Variants in ZDHHC17 observed in about 807,000 individuals in gnomAD.
The protein encoded by ZDHHC17 is zDHHC palmitoyltransferase 17.
A neutral mutation model predicts 90.3 loss-of-function variants in ZDHHC17; 40 were observed. The ratio of observed to expected loss-of-function variants is 0.44; its 90% CI spans 0.34 to 0.58. The LOEUF is 0.58. ZDHHC17 is among the 20% of genes least tolerant of loss of function. The probability of loss-of-function intolerance (pLI) is 0.01; values close to 1 mark genes in which losing one functional copy is unlikely to be tolerated. For missense variants in ZDHHC17, 614 were observed against 780.8 expected, an observed-to-expected ratio of 0.79 and a Z score of 2.55; for synonymous variants, 235 against 252.4, an observed-to-expected ratio of 0.93 and a Z score of 0.65.
Position 76,853,479 on chromosome 12 carries a change from A to C in ZDHHC17, c.*2494A>C, listed in dbSNP as rs561988871. The C allele has an allele frequency of 1.2e-4, 18 of 152,568 alleles. No individual in the cohort carries two copies. In the South Asian group the frequency reaches 1.5e-3, roughly 12 times the overall value. 9.5% of individuals were successfully genotyped at this position (152,568 alleles called of 1,614,324 possible). A position where few individuals can be genotyped will look rare whatever the true frequency, so the allele number is the denominator to read the frequency against. Reference sequence around the variant, plus strand: ...TTTGTTGTTTCCAGGAATTTATTTGATATTAATGGGCGTAAAACAGCATCA... The same window carrying C: ...TTTGTTGTTTCCAGGAATTTATTTGCTATTAATGGGCGTAAAACAGCATCA... On this transcript the variant is annotated 3_prime_UTR_variant, in exon 17 of 17. Coordinates refer to ENST00000426126, the MANE Select transcript of ZDHHC17 (RefSeq NM_015336.4).
At chr12:76,814,375 A>G (rs1276002890) in intron 5 of ZDHHC17, among the ~76,000 whole-genome samples, 2 of 151,258 alleles carry the variant, frequency 1.3e-5, no homozygotes, top group Non-Finnish European at 2.9e-5. Context: ...GTATTTATGC[A>G]TATTTATAAT....
At chr12:76,829,517 A>G (rs1012665454) in intron 10 of ZDHHC17, among the ~76,000 whole-genome samples, 1 of 147,060 alleles carries the variant, frequency 6.8e-6, no homozygotes, top group African/African-American at 2.5e-5. Context: ...TCTCCATTTT[A>G]TACTTGAGAA....
intron 1 of ZDHHC17, among the ~76,000 whole-genome samples, chr12:76,765,323 A>G (rs1445991629): frequency 6.6e-6 from 1 of 152,186 alleles, no homozygotes; most frequent in Non-Finnish European, 1.5e-5. Flanking sequence ...AGTTTTTGTT[A>G]AAAAGTGAAT....
At chr12:76,768,694 GCTTC>G (rs2137706604) in intron 1 of ZDHHC17, among the ~76,000 whole-genome samples, 1 of 152,252 alleles carries the variant, frequency 6.6e-6, no homozygotes, top group East Asian at 1.9e-4. Context: ...GCCATGACCA[GCTTC>G]CATTTTACCT....
chr12:76,834,877 G>A (rs1163896074), intron 10 of ZDHHC17, among the ~76,000 whole-genome samples: 2 of 152,106 alleles, frequency 1.3e-5, no homozygotes, highest in Non-Finnish European at 2.9e-5. Context: ...TGATCTGTCT[G>A]CCTGTATTAA....
intron 1 of ZDHHC17, among the ~76,000 whole-genome samples, chr12:76,791,976 T>A (rs1952764456): frequency 6.6e-6 from 1 of 152,184 alleles, no homozygotes; most frequent in African/African-American, 2.4e-5. Context: ...TCTCCAGGCA[T>A]ACTACCCTCT....
At chr12:76,820,948 G>A in intron 7 of ZDHHC17, 1 of 623,298 alleles carries the variant, frequency 1.6e-6, no homozygotes, top group South Asian at 1.6e-5. Flanking sequence ...TTCTTTAAAT[G>A]AATTGAGTGT....
intron 15 of ZDHHC17, 35 bp downstream of exon 15, chr12:76,848,425 T>C (rs1472433233): frequency 5.0e-6 from 8 of 1,601,722 alleles, no homozygotes; most frequent in Non-Finnish European, 6.0e-6. Context: ...GTGCACTAAG[T>C]GAAAACTCTT....
At chr12:76,793,749 G>A (rs964856773) in intron 1 of ZDHHC17, among the ~76,000 whole-genome samples, 2 of 152,092 alleles carry the variant, frequency 1.3e-5, no homozygotes, top group Non-Finnish European at 2.9e-5. Context: ...ATACCAAGCT[G>A]CTTCTAATGG....
chr12:76,835,918 A>AC (rs11421161), intron 10 of ZDHHC17, among the ~76,000 whole-genome samples: 70,481 of 144,992 alleles, frequency 0.49, 16,840 homozygotes, highest in East Asian at 0.66. Flanking sequence ...CTCCCTCTAC[A>AC]CCCCCTTTTT....
intron 1 of ZDHHC17, among the ~76,000 whole-genome samples, chr12:76,796,396 T>G (rs1952819935): frequency 6.6e-6 from 1 of 152,170 alleles, no homozygotes; most frequent in African/African-American, 2.4e-5. Context: ...CTATGTTATA[T>G]TGAGGAAATT....
chr12:76,772,979 C>G lies in ZDHHC17; in HGVS notation c.93+8650C>G, dbSNP rs548415167. Among the ~76,000 whole-genome samples, 67 of 152,098 alleles carry G rather than the reference C, an allele frequency of 4.4e-4. No individual in the cohort carries two copies. In the South Asian group the frequency reaches 5.2e-3, roughly 12 times the overall value. On this transcript the variant is annotated intron_variant, in intron 1 of 16. Transcript: ENST00000426126. ...TCAAGCAATTCTCCTGCCTCAGCCT[C>G]CCTCCCGAGTACCTCTACAAGCACG...
chr12:76,823,566 T>A (rs1953191939), intron 8 of ZDHHC17, among the ~76,000 whole-genome samples: 1 of 152,222 alleles, frequency 6.6e-6, no homozygotes, highest in Non-Finnish European at 1.5e-5. Flanking sequence ...TAATCACAAC[T>A]TGAGTAGCAT....
intron 7 of ZDHHC17, 69 bp from the exon 8 acceptor site, chr12:76,822,337 T>G: frequency 1.3e-6 from 2 of 1,559,714 alleles, no homozygotes; most frequent in Non-Finnish European, 8.7e-7. Context: ...TTATAGAAGT[T>G]CTTTAAAGGT....
chr12:76,764,268 TGGCGGACGGCCC>T lies in ZDHHC17; in HGVS notation c.35_46del (p.Ala12_Pro15del), dbSNP rs1436797689. 1 of 1,606,442 alleles carries T rather than the reference TGGCGGACGGCCC, an allele frequency of 6.2e-7. No individual in the cohort carries two copies. Among genetic ancestry groups the T allele is most frequent in the Non-Finnish European group, 8.5e-7 (1 of 1,176,646 alleles). On this transcript the variant is annotated inframe_deletion, in exon 1 of 17. Coordinates refer to ENST00000426126, the MANE Select transcript of ZDHHC17 (RefSeq NM_015336.4). Reference sequence around the variant, plus strand: ...CGGGAGGAGGGATTTAACACCAAGATGGCGGACGGCCCGGATGAGTACGATACCGAAGCGGGC... The same window carrying T: ...CGGGAGGAGGGATTTAACACCAAGATGGATGAGTACGATACCGAAGCGGGC...
chr12:76,802,686 C>T (rs1056873950), intron 2 of ZDHHC17, among the ~76,000 whole-genome samples: 1 of 152,144 alleles, frequency 6.6e-6, no homozygotes, highest in Non-Finnish European at 1.5e-5. Flanking sequence ...TTTGCTGATT[C>T]CTTCTTCTGT....
In ZDHHC17 at chr12:76,805,365, T is replaced by C. The variant is rs532539509; in HGVS notation, c.246T>C (p.Asp82=). The change falls in exon 3 of 17, where the codon GAT becomes GAC. Residue 82 remains aspartate (D), a synonymous_variant. Transcript: ENST00000426126. ...RCRELVEAGY[D]VRQPDKENVT... ...GAGAATTGGTGGAAGCAGGTTATGA[T>C]GTACGGCAACCGGACAAAGAAAATG... 2 of 1,604,390 alleles carry C rather than the reference T, an allele frequency of 1.2e-6. No homozygotes were observed. The highest frequency in any genetic ancestry group is 1.7e-4 in the Middle Eastern group (1 of 6,050).
chr12:76,813,852 G>A (rs1953053072), intron 5 of ZDHHC17, among the ~76,000 whole-genome samples: 1 of 152,032 alleles, frequency 6.6e-6, no homozygotes, highest in African/African-American at 2.4e-5. Context: ...ATTTTTTAAT[G>A]AGGAAGCTAA....
chr12:76,821,299 T>A, intron 7 of ZDHHC17: 1 of 251,386 alleles, frequency 4.0e-6, no homozygotes, highest in Non-Finnish European at 7.3e-6. Context: ...CATTTCTTAT[T>A]AAATACCATT....
Sources: gnomAD v4.1 joint callset for allele counts (sites outside exome capture counted in the v4.1 genomes callset) on GRCh38, gnomAD v4.1.1 for gene constraint, MANE v1.5 for transcripts, NCBI Gene and HGNC (gene_info 2026-07-23, HGNC 2026-07-21) for gene names.